EIF1AX: variants seen among roughly 807,000 people sequenced by gnomAD.
EIF1AX encodes eukaryotic translation initiation factor 1A, X-chromosomal.
In EIF1AX, 1 loss-of-function variant was observed where a neutral mutation model predicts 16.1. That is an observed-to-expected ratio of 0.06 (90% CI 0.02 to 0.30). EIF1AX has a LOEUF of 0.30. Among genes scored for constraint, EIF1AX ranks in the 10% least tolerant of loss-of-function variants. The probability of loss-of-function intolerance (pLI) is 1.00; values close to 1 mark genes in which losing one functional copy is unlikely to be tolerated. For synonymous variants in EIF1AX, 32 were observed against 37.3 expected (o/e 0.86, Z 0.51); for missense variants, 11 against 109.1 (o/e 0.10, Z 4.00).
At chrX:20,137,273 G>A (rs2067020094) in intron 2 of EIF1AX, among the ~76,000 whole-genome samples, 1 of 110,174 alleles carries the variant, frequency 9.1e-6, no homozygotes, top group Non-Finnish European at 1.9e-5. Context: ...GTGAAACCCC[G>A]TCTCTACTAA....
chrX:20,128,598 T>C (rs1046888410), intron 6 of EIF1AX, among the ~76,000 whole-genome samples: 13 of 112,072 alleles, frequency 1.2e-4, no homozygotes, highest in Non-Finnish European at 2.1e-4. Flanking sequence ...ACAGGAAGCA[T>C]GATATGATTG....
rs1290755449 is a variant in EIF1AX at position 20,127,342 on chromosome X, G to C, written c.*964C>G. ...TTCCTTCCTCTTCCCTTAGCTTAGG[G>C]ATATGTTGAAAAAGGCTTTTCAACA... is the stretch of plus-strand genomic sequence containing the variant. On this transcript the variant is annotated 3_prime_UTR_variant, in exon 7 of 7. Transcript: ENST00000379607. 7.3e-6 allele frequency: 1 copy of C among 137,375 alleles called. No individual in the cohort carries two copies. Among genetic ancestry groups the C allele is most frequent in the Non-Finnish European group, 1.5e-5 (1 of 67,603 alleles). The allele number at this position is 137,375 out of a possible 1,213,427, so 11.3% of individuals were successfully genotyped here. A position where few individuals can be genotyped will look rare whatever the true frequency, so the allele number is the denominator to read the frequency against.
At chrX:20,136,384 T>C (rs2067016966) in intron 2 of EIF1AX, 2 of 316,668 alleles carry the variant, frequency 6.3e-6, no homozygotes, top group South Asian at 6.5e-5. Flanking sequence ...TCATCATTGA[T>C]CCACTTCAGT....
At chrX:20,133,511 GTT>G (rs61391912) in intron 4 of EIF1AX, among the ~76,000 whole-genome samples, 18 of 101,826 alleles carry the variant, frequency 1.8e-4, no homozygotes, top group Middle Eastern at 5.2e-3. Context: ...TTTATTCTGG[GTT>G]TTTTTTTTTT....
intron 4 of EIF1AX, among the ~76,000 whole-genome samples, chrX:20,133,563 G>A (rs1480323274): frequency 9.2e-6 from 1 of 109,136 alleles, no homozygotes; most frequent in Admixed American, 9.8e-5. Flanking sequence ...AATAGAGATA[G>A]TATCATACAG....
chrX:20,139,019 C>T (rs1671391455), intron 1 of EIF1AX, among the ~76,000 whole-genome samples: 1 of 112,167 alleles, frequency 8.9e-6, no homozygotes, highest in Non-Finnish European at 1.9e-5. Flanking sequence ...CCGATACTTT[C>T]AAAATTAAGT....
chrX:20,131,672 C>T (rs1473501431), intron 5 of EIF1AX, among the ~76,000 whole-genome samples: 1 of 100,476 alleles, frequency 1.0e-5, no homozygotes, highest in East Asian at 3.0e-4. Flanking sequence ...CTTGCCCTTG[C>T]TTCATGGTTT....
Position 20,135,652 on chromosome X carries a change from A to C in EIF1AX, c.204+86T>G. On this transcript the variant is annotated intron_variant, in intron 3 of 6. Coordinates refer to ENST00000379607, the MANE Select transcript of EIF1AX (RefSeq NM_001412.4). ...AGGTAAGTCTTTTGGGAATTTCCAAAAATGAAGTCCATGGACAGTTAAAAA... is the reference window on the plus strand; with the variant it reads ...AGGTAAGTCTTTTGGGAATTTCCAACAATGAAGTCCATGGACAGTTAAAAA... 3 of 679,096 alleles carry C rather than the reference A, an allele frequency of 4.4e-6. No individual in the cohort carries two copies. The South Asian group carries it at 7.9e-5, about 18-fold the overall frequency. 56.0% of individuals were successfully genotyped at this position (679,096 alleles called of 1,213,427 possible). A position where few individuals can be genotyped will look rare whatever the true frequency, so the allele number is the denominator to read the frequency against.
rs1239160780 is a variant in EIF1AX at position 20,132,615 on chromosome X, A to C, written c.256-352T>G. 2.7e-5 allele frequency among the ~76,000 whole-genome samples: 3 copies of C among 112,030 alleles called. No homozygotes were observed. In the South Asian group the frequency reaches 1.1e-3, roughly 41 times the overall value. On this transcript the variant is annotated intron_variant, in intron 4 of 6. Transcript: ENST00000379607. ...GGGACAATAATTTGCAGGGTGATCA[A>C]ACACTGCAATTCCAAAACTGAGACT...
chrX:20,134,431 AAAAG>A (rs1569173942), intron 3 of EIF1AX, among the ~76,000 whole-genome samples: 1 of 110,164 alleles, frequency 9.1e-6, no homozygotes, highest in Non-Finnish European at 1.9e-5. Context: ...AAAAAAAAAG[AAAAG>A]AAATTAAGAG....
intron 2 of EIF1AX, 89 bp downstream of exon 2, chrX:20,138,450 T>C: frequency 2.6e-6 from 2 of 765,098 alleles, no homozygotes; most frequent in Admixed American, 4.6e-5. Context: ...CCCTGGGCGA[T>C]GGGCAAGACG....
At chrX:20,134,565 T>C (rs1292277194) in intron 3 of EIF1AX, among the ~76,000 whole-genome samples, 2 of 108,993 alleles carry the variant, frequency 1.8e-5, no homozygotes, top group African/African-American at 6.7e-5. Flanking sequence ...TGGTAAAACC[T>C]TGTCTTTACT....
At chrX:20,136,036 G>A in intron 2 of EIF1AX, 195 bp from the exon 3 acceptor site, 1 of 395,160 alleles carries the variant, frequency 2.5e-6, no homozygotes, top group Non-Finnish European at 4.5e-6. Flanking sequence ...AAGACTCTAT[G>A]ATGACATTTC....
In EIF1AX at chrX:20,126,483, A is replaced by G. The variant is rs2066985610; in HGVS notation, c.*1823T>C. ...AAACTCTCCAGACAAACCACGTGTTAGAGGAGGTAAGTAGAAAAACTAATG... is the reference window on the plus strand; with the variant it reads ...AAACTCTCCAGACAAACCACGTGTTGGAGGAGGTAAGTAGAAAAACTAATG... On this transcript the variant is annotated 3_prime_UTR_variant, in exon 7 of 7. Transcript: ENST00000379607. The G allele has an allele frequency of 7.4e-6, 1 of 135,888 alleles. No individual in the cohort carries two copies. Among genetic ancestry groups the G allele is most frequent in the African/African-American group, 3.3e-5 (1 of 30,072 alleles). 11.2% of individuals were successfully genotyped at this position (135,888 alleles called of 1,213,427 possible). A position where few individuals can be genotyped will look rare whatever the true frequency, so the allele number is the denominator to read the frequency against.
intron 2 of EIF1AX, among the ~76,000 whole-genome samples, chrX:20,136,545 A>T (rs1353155944): frequency 8.9e-6 from 1 of 112,630 alleles, no homozygotes; most frequent in Non-Finnish European, 1.9e-5. Flanking sequence ...TGCAAATCTC[A>T]TAATTTTTAG....
chrX:20,140,017 T>A (rs2067029287), intron 1 of EIF1AX: 1 of 112,740 alleles, frequency 8.9e-6, no homozygotes, highest in Non-Finnish European at 1.9e-5. Context: ...AATGGGATGT[T>A]CTTTAAATTC....
intron 4 of EIF1AX, 38 bp from the exon 5 acceptor site, chrX:20,132,301 A>C (rs2067003692): frequency 1.1e-6 from 1 of 879,616 alleles, no homozygotes; most frequent in Admixed American, 2.6e-5. Flanking sequence ...AACTGATCAT[A>C]ACAAAATATT....
chrX:20,132,346 C>T (rs2067003842), intron 4 of EIF1AX, 83 bp from the exon 5 acceptor site: 2 of 606,132 alleles, frequency 3.3e-6, no homozygotes, highest in Non-Finnish European at 2.5e-6. Context: ...ATTGAATAAA[C>T]AATCAAATCT....
intron 2 of EIF1AX, among the ~76,000 whole-genome samples, chrX:20,137,034 TGA>T (rs2067018946): frequency 8.9e-6 from 1 of 111,821 alleles, no homozygotes; most frequent in African/African-American, 3.3e-5. Flanking sequence ...TCAAATTACC[TGA>T]GTGTGATAAT....
Sources: gnomAD v4.1 joint callset for allele counts (sites outside exome capture counted in the v4.1 genomes callset) on GRCh38, gnomAD v4.1.1 for gene constraint, MANE v1.5 for transcripts, NCBI Gene and HGNC (gene_info 2026-07-23, HGNC 2026-07-21) for gene names.